Variants in KIRREL3 observed in about 807,000 individuals in gnomAD.
KIRREL3 encodes kirre like nephrin family adhesion molecule 3.
In KIRREL3, 36 loss-of-function variants were observed where a neutral mutation model predicts 89.7. The ratio of observed to expected loss-of-function variants is 0.40; its 90% CI spans 0.31 to 0.53. KIRREL3 has a LOEUF of 0.53. Ranked by LOEUF, KIRREL3 falls within the 20% of genes least tolerant of loss-of-function variation. KIRREL3 has a pLI of 0.49. For synonymous variants in KIRREL3, 445 were observed against 441.4 expected (o/e 1.01, Z -0.10); for missense variants, 864 against 1,056.6 (o/e 0.82, Z 2.53).
rs1269344092 is a variant in KIRREL3, at chr11:126,430,634, C to A, written c.1696+785G>T. Reference sequence around the variant, plus strand: ...GGGAACAGCTTTCTTCAAACATGTGCAGGCTGCCGAGTGGCAGAGGAGCAG... The same window carrying A: ...GGGAACAGCTTTCTTCAAACATGTGAAGGCTGCCGAGTGGCAGAGGAGCAG... On this transcript the variant is annotated intron_variant, in intron 14 of 16. Coordinates refer to ENST00000525144, the MANE Select transcript of KIRREL3 (RefSeq NM_032531.4). The surrounding 1 kb of genome is among the most constrained non-coding windows in gnomAD (Gnocchi z 6.6). Among the ~76,000 whole-genome samples, 1 of 152,132 alleles carries A rather than the reference C, an allele frequency of 6.6e-6. No individual in the cohort carries two copies. The highest frequency in any genetic ancestry group is 2.4e-5 in the African/African-American group (1 of 41,418).
At chr11:126,756,974 G>T (rs1949524158) in intron 1 of KIRREL3, among the ~76,000 whole-genome samples, 1 of 151,994 alleles carries the variant, frequency 6.6e-6, no homozygotes, top group Admixed American at 6.6e-5. Flanking sequence ...AAGACTCAGG[G>T]GTCTGTCTTC....
At position 126,955,139 on chromosome 11, in the gene KIRREL3, T is replaced by C. The variant is rs1015719496; in HGVS notation, c.55+45316A>G. Among the ~76,000 whole-genome samples the C allele has an allele frequency of 1.3e-5, 2 of 152,174 alleles. No individual in the cohort carries two copies. Among genetic ancestry groups the C allele is most frequent in the Admixed American group, 6.5e-5 (1 of 15,270 alleles). On this transcript the variant is annotated intron_variant, in intron 1 of 16. Coordinates refer to ENST00000525144, the MANE Select transcript of KIRREL3 (RefSeq NM_032531.4). The surrounding 1 kb of genome is among the most constrained non-coding windows in gnomAD (Gnocchi z 4.6). Reference sequence around the variant, plus strand: ...AGGCGTGTGGCTTTTCACTGTGGGCTTCCTAATGCAGTAGGTTTCAAGCAT... The same window carrying C: ...AGGCGTGTGGCTTTTCACTGTGGGCCTCCTAATGCAGTAGGTTTCAAGCAT...
chr11:126,934,438 T>C (rs774037152), intron 1 of KIRREL3, among the ~76,000 whole-genome samples: 1 of 152,134 alleles, frequency 6.6e-6, no homozygotes, highest in East Asian at 1.9e-4. Flanking sequence ...TAGAATAACA[T>C]GAAGAATGTG....
chr11:126,619,098 G>T (rs536510912), intron 1 of KIRREL3, among the ~76,000 whole-genome samples: 2 of 152,342 alleles, frequency 1.3e-5, no homozygotes, highest in South Asian at 4.1e-4. Context: ...TGAGACAGCG[G>T]TCTAGAGGGT....
chr11:126,626,651 C>T (rs959747762), intron 1 of KIRREL3, among the ~76,000 whole-genome samples: 2 of 152,208 alleles, frequency 1.3e-5, no homozygotes, highest in African/African-American at 4.8e-5. Flanking sequence ...GGCCCTGGTA[C>T]TGCTCCACCG....
At chr11:126,745,996 GA>G (rs1340224602) in intron 1 of KIRREL3, among the ~76,000 whole-genome samples, 1 of 152,180 alleles carries the variant, frequency 6.6e-6, no homozygotes, top group Non-Finnish European at 1.5e-5. Context: ...TGCCATTCCT[GA>G]AGGGTTTGTG....
chr11:126,730,308 A>G lies in KIRREL3; in HGVS notation c.56-167396T>C, dbSNP rs77828727. On this transcript the variant is annotated intron_variant, in intron 1 of 16. Coordinates refer to ENST00000525144, the MANE Select transcript of KIRREL3 (RefSeq NM_032531.4). ...TACTCACCTTCTCCTCCCTCTTCTC[A>G]TCATCTCTGCACCATCAACATCCCC... Among the ~76,000 whole-genome samples, 1,002 of 152,222 alleles carry G rather than the reference A, an allele frequency of 6.6e-3. 6 individuals carry two copies. The highest frequency in any genetic ancestry group is 0.023 in the African/African-American group (940 of 41,534).
intron 10 of KIRREL3, 131 bp from the exon 11 acceptor site, chr11:126,440,680 A>C: frequency 1.2e-6 from 1 of 819,250 alleles, no homozygotes; most frequent in Non-Finnish European, 2.1e-6. Flanking sequence ...CTGTATGTGC[A>C]AGGTAAAGTG....
rs368367779 is a variant in KIRREL3, at chr11:126,579,800, C to T, written c.56-16888G>A. ...CACCTCTGCGTGATGTTTTTCTGTT[C>T]GCCTGTCTGTCTCCTTGAATTGTGA... On this transcript the variant is annotated intron_variant, in intron 1 of 16. Coordinates refer to ENST00000525144, the MANE Select transcript of KIRREL3 (RefSeq NM_032531.4). The surrounding 1 kb of genome is among the most constrained non-coding windows in gnomAD (Gnocchi z 5.3). 2.0e-5 allele frequency among the ~76,000 whole-genome samples: 3 copies of T among 151,822 alleles called. No homozygotes were observed. The highest frequency in any genetic ancestry group is 2.9e-5 in the Non-Finnish European group (2 of 67,978).
rs1216333260 is a variant in KIRREL3, at chr11:126,623,667, G to A, written c.56-60755C>T. Among the ~76,000 whole-genome samples, 1 of 152,102 alleles carries A rather than the reference G, an allele frequency of 6.6e-6. No homozygotes were observed. The highest frequency in any genetic ancestry group is 1.5e-5 in the Non-Finnish European group (1 of 67,998). On this transcript the variant is annotated intron_variant, in intron 1 of 16. Transcript: ENST00000525144. The surrounding 1 kb of genome is among the most constrained non-coding windows in gnomAD (Gnocchi z 4.1). ...TGGTCAGGACCAGGTTGTGTGCAGG[G>A]CAGCTCTGATTGCTTTCTTAGCAGA... is the stretch of plus-strand genomic sequence containing the variant.
rs1165836260 is a variant in KIRREL3, at chr11:126,703,759, G to C, written c.56-140847C>G. 6.6e-6 allele frequency among the ~76,000 whole-genome samples: 1 copy of C among 152,230 alleles called. No individual in the cohort carries two copies. Among genetic ancestry groups the C allele is most frequent in the Admixed American group, 6.5e-5 (1 of 15,292 alleles). ...TTTCCGTGCCAGAAACCCTGTCTCA[G>C]AGGGCAGGAAAGAGAATGGGGAGCC... On this transcript the variant is annotated intron_variant, in intron 1 of 16. Transcript: ENST00000525144. The surrounding 1 kb of genome is among the most constrained non-coding windows in gnomAD (Gnocchi z 4.6).
chr11:126,929,802 G>T (rs1209795552), intron 1 of KIRREL3, among the ~76,000 whole-genome samples: 1 of 152,174 alleles, frequency 6.6e-6, no homozygotes, highest in Non-Finnish European at 1.5e-5. Flanking sequence ...GCGATTCCAC[G>T]CTAAACATAA....
Position 126,985,700 on chromosome 11 carries a change from T to C in KIRREL3, c.55+14755A>G, listed in dbSNP as rs2135260944. On this transcript the variant is annotated intron_variant, in intron 1 of 16. Transcript: ENST00000525144. The surrounding 1 kb of genome is among the most constrained non-coding windows in gnomAD (Gnocchi z 5.3). ...TATGAGAGGGTGGGGAGACTTTCATTCTGAGACTCTTTGTCCTGAAGGTGT... is the reference window on the plus strand; with the variant it reads ...TATGAGAGGGTGGGGAGACTTTCATCCTGAGACTCTTTGTCCTGAAGGTGT... Among the ~76,000 whole-genome samples the C allele has an allele frequency of 6.6e-6, 1 of 152,192 alleles. No homozygotes were observed. The highest frequency in any genetic ancestry group is 1.5e-5 in the Non-Finnish European group (1 of 68,004).
intron 4 of KIRREL3, among the ~76,000 whole-genome samples, chr11:126,473,908 C>G (rs761781832): frequency 2.6e-5 from 4 of 152,204 alleles, no homozygotes; most frequent in Non-Finnish European, 4.4e-5. Flanking sequence ...ATTCTCCTGC[C>G]TTAGCCTCCC....
intron 1 of KIRREL3, among the ~76,000 whole-genome samples, chr11:126,825,462 G>A (rs1943373789): frequency 6.6e-6 from 1 of 152,140 alleles, no homozygotes; most frequent in Admixed American, 6.5e-5. Context: ...ATGAGATCTA[G>A]CAAAGGTTTA....
At chr11:126,506,523 G>A (rs1958020146) in intron 4 of KIRREL3, among the ~76,000 whole-genome samples, 1 of 152,160 alleles carries the variant, frequency 6.6e-6, no homozygotes, top group Non-Finnish European at 1.5e-5. Flanking sequence ...TTCATTAGGG[G>A]AATGCAAATT....
Position 126,535,317 on chromosome 11 carries a change from G to T in KIRREL3, c.134-8630C>A, listed in dbSNP as rs529018197. 1.1e-3 allele frequency among the ~76,000 whole-genome samples: 166 copies of T among 152,180 alleles called. 2 individuals carry two copies. In the South Asian group the frequency reaches 0.034, roughly 31 times the overall value. On this transcript the variant is annotated intron_variant, in intron 2 of 16. Transcript: ENST00000525144. The surrounding 1 kb of genome is among the most constrained non-coding windows in gnomAD (Gnocchi z 4.5). The stretch of plus-strand genomic sequence containing the variant: ...CATCTTAATCTCTTTTCTGGGACTC[G>T]CAGCACACATTATCACGGAATGAAC...
intron 4 of KIRREL3, among the ~76,000 whole-genome samples, chr11:126,487,414 C>T (rs1398230656): frequency 6.6e-6 from 1 of 152,150 alleles, no homozygotes; most frequent in African/African-American, 2.4e-5. Flanking sequence ...GGCAGTGTTC[C>T]AAGGAAGGAA....
intron 1 of KIRREL3, among the ~76,000 whole-genome samples, chr11:126,573,856 G>A (rs760651681): frequency 2.0e-5 from 3 of 152,120 alleles, no homozygotes; most frequent in South Asian, 2.1e-4. Flanking sequence ...GCAGATCCGC[G>A]GGGGGACCTC....
Sources: gnomAD v4.1 joint callset for allele counts (sites outside exome capture counted in the v4.1 genomes callset) on GRCh38, gnomAD v4.1.1 for gene constraint, Gnocchi (gnomAD v3.1) non-coding constraint, MANE v1.5 for transcripts, NCBI Gene and HGNC (gene_info 2026-07-23, HGNC 2026-07-21) for gene names.